The following EIF5B variants were observed in gnomAD, a reference collection of about 807,000 sequenced individuals.
The protein encoded by EIF5B is eIF-5B.
In EIF5B, 47 loss-of-function variants were observed where a neutral mutation model predicts 147.5. The ratio of observed to expected loss-of-function variants is 0.32; its 90% CI spans 0.25 to 0.41. The LOEUF is 0.41. Among genes scored for constraint, EIF5B ranks in the 10% least tolerant of loss-of-function variants. The probability of loss-of-function intolerance (pLI) is 1.00; values close to 1 mark genes in which losing one functional copy is unlikely to be tolerated. For synonymous variants in EIF5B, 455 were observed against 456.2 expected (o/e 1.00, Z 0.03); for missense variants, 1,064 against 1,413.2 (o/e 0.75, Z 3.96).
chr2:99,387,783 A>G (rs867673206), intron 14 of EIF5B, among the ~76,000 whole-genome samples: 14 of 152,340 alleles, frequency 9.2e-5, no homozygotes, highest in African/African-American at 3.4e-4. Flanking sequence ...ATCAGTGAGC[A>G]TGGTATCTCT....
chr2:99,378,474 A>G (rs1674607584), intron 10 of EIF5B, among the ~76,000 whole-genome samples: 1 of 152,214 alleles, frequency 6.6e-6, no homozygotes, highest in Non-Finnish European at 1.5e-5. Flanking sequence ...AAGTCAGGAC[A>G]TGTTTTACTT....
At chr2:99,369,789 A>G (rs1674406237) in intron 8 of EIF5B, among the ~76,000 whole-genome samples, 1 of 152,294 alleles carries the variant, frequency 6.6e-6, no homozygotes, top group Admixed American at 6.5e-5. Flanking sequence ...ATCCTGGCTA[A>G]CACGGTGAAA....
At chr2:99,396,673 G>T in intron 21 of EIF5B, 87 bp from the exon 22 acceptor site, 1 of 1,480,514 alleles carries the variant, frequency 6.8e-7, no homozygotes. Context: ...TTCCTCTAAT[G>T]GGAGAAGCCT....
chr2:99,399,650 T>G lies in EIF5B; in HGVS notation c.*236T>G. 1 of 435,382 alleles carries G rather than the reference T, an allele frequency of 2.3e-6. No individual in the cohort carries two copies. Among genetic ancestry groups the G allele is most frequent in the Non-Finnish European group, 4.3e-6 (1 of 235,280 alleles). 27.0% of individuals were successfully genotyped at this position (435,382 alleles called of 1,614,324 possible). A position where few individuals can be genotyped will look rare whatever the true frequency, so the allele number is the denominator to read the frequency against. ...ATGTGCCTGTTCACTCACCTCTCCCTTCCCCAACCCTTCTCTACTTGGCTG... is the reference window on the plus strand; with the variant it reads ...ATGTGCCTGTTCACTCACCTCTCCCGTCCCCAACCCTTCTCTACTTGGCTG... On this transcript the variant is annotated 3_prime_UTR_variant, in exon 24 of 24. Coordinates refer to ENST00000289371, the MANE Select transcript of EIF5B (RefSeq NM_015904.4).
intron 1 of EIF5B, among the ~76,000 whole-genome samples, chr2:99,348,551 G>A (rs1400447327): frequency 6.6e-6 from 1 of 152,154 alleles, no homozygotes; most frequent in Non-Finnish European, 1.5e-5. Context: ...AGAGAAGGTG[G>A]GACTGAATTT....
chr2:99,381,093 TGTA>T (rs772231945), intron 12 of EIF5B, among the ~76,000 whole-genome samples: 1 of 152,216 alleles, frequency 6.6e-6, no homozygotes, highest in African/African-American at 2.4e-5. Flanking sequence ...TATTATAATA[TGTA>T]GTAGTGAATT....
In EIF5B at chr2:99,369,484, G is replaced by A. The variant is rs1371497510; in HGVS notation, c.1477+3G>A. ...GACACCACCTCCTGTTGAACCAGGC[G>A]GGTAGTGTTATCTGATTATTTAATT... is the stretch of plus-strand genomic sequence containing the variant. On this transcript the variant is annotated splice_donor_region_variant and intron_variant, in intron 8 of 23. Coordinates refer to ENST00000289371, the MANE Select transcript of EIF5B (RefSeq NM_015904.4). 11 of 1,604,260 alleles carry A rather than the reference G, an allele frequency of 6.9e-6. No individual in the cohort carries two copies. The highest frequency in any genetic ancestry group is 8.5e-6 in the Non-Finnish European group (10 of 1,174,216).
chr2:99,354,564 T>G (rs1674051384), intron 1 of EIF5B, among the ~76,000 whole-genome samples: 1 of 152,218 alleles, frequency 6.6e-6, no homozygotes, highest in South Asian at 2.1e-4. Context: ...GTTTCAAGTC[T>G]TAACTCTTAA....
chr2:99,389,603 A>G, intron 14 of EIF5B, 115 bp from the exon 15 acceptor site: 1 of 895,036 alleles, frequency 1.1e-6, no homozygotes, highest in Non-Finnish European at 1.6e-6. Flanking sequence ...TGTATGAGTA[A>G]GTCACACTGT....
intron 1 of EIF5B, among the ~76,000 whole-genome samples, chr2:99,352,364 T>A (rs190595267): frequency 7.2e-4 from 109 of 151,812 alleles, no homozygotes; most frequent in Middle Eastern, 3.4e-3. Context: ...CCTGGCTAAT[T>A]TTGTATTTTT....
chr2:99,337,898 C>G (rs1189873479), intron 1 of EIF5B, among the ~76,000 whole-genome samples: 1 of 152,252 alleles, frequency 6.6e-6, no homozygotes, highest in Admixed American at 6.5e-5. Flanking sequence ...GCCAGCGTGG[C>G]CCAGGCCAGT....
intron 17 of EIF5B, among the ~76,000 whole-genome samples, chr2:99,391,310 G>A (rs1674925103): frequency 6.6e-6 from 1 of 152,170 alleles, no homozygotes; most frequent in African/African-American, 2.4e-5. Context: ...GCCTTGCTGT[G>A]TTTGGTGGCA....
intron 1 of EIF5B, among the ~76,000 whole-genome samples, chr2:99,354,640 AT>A (rs1274874606): frequency 6.6e-6 from 1 of 151,894 alleles, no homozygotes; most frequent in Non-Finnish European, 1.5e-5. Flanking sequence ...GCTTTTATTT[AT>A]TTTTTTAAGT....
At position 99,401,248 on chromosome 2, in the gene EIF5B, A is replaced by G. The variant is rs774379931; in HGVS notation, c.*1834A>G. ...CAGGCTCTCTGGTAATATTTATGTA[A>G]CTTTTAATGTGCTTCCATAAGTTTG... On this transcript the variant is annotated 3_prime_UTR_variant, in exon 24 of 24. Transcript: ENST00000289371. 6.2e-7 allele frequency: 1 copy of G among 1,600,918 alleles called. No individual in the cohort carries two copies. The highest frequency in any genetic ancestry group is 1.7e-5 in the Admixed American group (1 of 59,990).
At chr2:99,385,729 C>G (rs1284364994) in intron 14 of EIF5B, among the ~76,000 whole-genome samples, 2 of 152,212 alleles carry the variant, frequency 1.3e-5, no homozygotes, top group African/African-American at 2.4e-5. Context: ...GAAACCAAAC[C>G]TGCAGTATCT....
intron 1 of EIF5B, among the ~76,000 whole-genome samples, chr2:99,348,027 A>T (rs1241418610): frequency 1.3e-5 from 2 of 152,202 alleles, no homozygotes; most frequent in African/African-American, 4.8e-5. Context: ...TAAAAGCTGT[A>T]CTGATCTGAT....
At chr2:99,387,394 T>C (rs2104241280) in intron 14 of EIF5B, among the ~76,000 whole-genome samples, 1 of 152,338 alleles carries the variant, frequency 6.6e-6, no homozygotes, top group Admixed American at 6.5e-5. Flanking sequence ...TATTTTGTTA[T>C]TTAAAGACTC....
rs1246846002 is a variant in EIF5B at position 99,360,617 on chromosome 2, G to A, written c.246+68G>A. On this transcript the variant is annotated intron_variant, in intron 3 of 23. Transcript: ENST00000289371. ...ATTCTTTCTTCTTAATGTTGGTTTG[G>A]GGAGCTACATTTGGAAACTTTTGAG... The A allele has an allele frequency of 4.0e-6, 6 of 1,497,612 alleles. No individual in the cohort carries two copies. In the African/African-American group the frequency reaches 8.4e-5, roughly 21 times the overall value. The allele number at this position is 1,497,612 out of a possible 1,614,324, so 92.8% of individuals were successfully genotyped here.
chr2:99,399,000 T>G (rs1350678619), intron 23 of EIF5B, 91 bp downstream of exon 23: 2 of 1,430,838 alleles, frequency 1.4e-6, no homozygotes, highest in Non-Finnish European at 1.9e-6. Flanking sequence ...GGCTTCAGTT[T>G]GATTGTAGAA....
Sources: gnomAD v4.1 joint callset for allele counts (sites outside exome capture counted in the v4.1 genomes callset) on GRCh38, gnomAD v4.1.1 for gene constraint, MANE v1.5 for transcripts, NCBI Gene and HGNC (gene_info 2026-07-23, HGNC 2026-07-21) for gene names.